The following LIPC variants were observed in gnomAD, a reference collection of about 807,000 sequenced individuals.
LIPC encodes lipase C, hepatic type.
LIPC carries 44 observed loss-of-function variants against 50.7 expected under a neutral mutation model. The ratio of observed to expected loss-of-function variants is 0.87; its 90% CI spans 0.68 to 1.11. The LOEUF is 1.11. Among genes scored for constraint, LIPC ranks in the 50% most tolerant of loss-of-function variants. The pLI, the probability that LIPC is intolerant of heterozygous loss-of-function variation, is 0.00. For synonymous variants in LIPC, 271 were observed against 256.4 expected (o/e 1.06, Z -0.54); for missense variants, 697 against 648.2 (o/e 1.08, Z -0.82).
intron 1 of LIPC, among the ~76,000 whole-genome samples, chr15:58,506,744 C>A (rs1168784462): frequency 1.3e-5 from 2 of 152,160 alleles, no homozygotes; most frequent in African/African-American, 4.8e-5. Context: ...GCTCCCTCTG[C>A]CCCCCACCCT....
chr15:58,552,815 C>G (rs1183194021), intron 6 of LIPC, among the ~76,000 whole-genome samples: 1 of 152,200 alleles, frequency 6.6e-6, no homozygotes, highest in African/African-American at 2.4e-5. Context: ...AGAATCTTGG[C>G]CTTGCTGCCA....
At chr15:58,500,928 C>T (rs1891964184) in intron 1 of LIPC, among the ~76,000 whole-genome samples, 1 of 152,102 alleles carries the variant, frequency 6.6e-6, no homozygotes, top group African/African-American at 2.4e-5. Context: ...TTGGAAGACA[C>T]ACCAGGCCAT....
intron 1 of LIPC, among the ~76,000 whole-genome samples, chr15:58,515,137 G>A (rs1226602844): frequency 6.6e-5 from 10 of 152,044 alleles, no homozygotes; most frequent in Non-Finnish European, 1.3e-4. Context: ...TTTCTTATAA[G>A]AACCCTTGTG....
intron 1 of LIPC, among the ~76,000 whole-genome samples, chr15:58,459,646 C>T (rs1894266234): frequency 6.6e-6 from 1 of 152,190 alleles, no homozygotes; most frequent in African/African-American, 2.4e-5. Context: ...AGCAAACACT[C>T]CCCCCACATA....
At chr15:58,494,569 T>C (rs1891702193) in intron 1 of LIPC, among the ~76,000 whole-genome samples, 1 of 152,218 alleles carries the variant, frequency 6.6e-6, no homozygotes, top group Non-Finnish European at 1.5e-5. Flanking sequence ...ATGGTTTTGA[T>C]TGTAATTACT....
Position 58,565,369 on chromosome 15 carries a change from A to G in LIPC, c.1388+1646A>G, listed in dbSNP as rs139758754. The G allele has an allele frequency of 9.2e-4, 1,387 of 1,514,758 alleles. 3 individuals carry two copies. The highest frequency in any genetic ancestry group is 1.9e-3 in the Admixed American group (96 of 49,428). 93.8% of individuals were successfully genotyped at this position (1,514,758 alleles called of 1,614,324 possible). A position where few individuals can be genotyped will look rare whatever the true frequency, so the allele number is the denominator to read the frequency against. On this transcript the variant is annotated intron_variant, in intron 8 of 8. Transcript: ENST00000299022. ...CACCCTGACAATCCCATGTGGCTTG[A>G]CCTGAAAGGGTGGCTAAAGCACAAC...
chr15:58,488,342 G>A (rs944950092), intron 1 of LIPC, among the ~76,000 whole-genome samples: 16 of 152,264 alleles, frequency 1.1e-4, no homozygotes, highest in African/African-American at 2.9e-4. Context: ...TCCACACTGG[G>A]GCTGACCACT....
intron 1 of LIPC, among the ~76,000 whole-genome samples, chr15:58,505,267 A>G (rs545749368): frequency 6.6e-6 from 1 of 152,364 alleles, no homozygotes; most frequent in East Asian, 1.9e-4. Context: ...CCTCTGCTAC[A>G]TATGGTCCCA....
chr15:58,438,748 C>T (rs1893401358), intron 1 of LIPC, among the ~76,000 whole-genome samples: 2 of 152,362 alleles, frequency 1.3e-5, no homozygotes, highest in South Asian at 2.1e-4. Context: ...AGCGCAGTGA[C>T]ATCTCAGCTG....
At chr15:58,538,221 A>G in intron 1 of LIPC, 112 bp from the exon 2 acceptor site, 4 of 1,023,622 alleles carry the variant, frequency 3.9e-6, no homozygotes, top group Non-Finnish European at 6.2e-6. Context: ...GATCTCCAGC[A>G]TCTCCCAGTA....
intron 1 of LIPC, among the ~76,000 whole-genome samples, chr15:58,500,790 AGATTT>A (rs1188252832): frequency 1.6e-5 from 2 of 123,690 alleles, no homozygotes; most frequent in African/African-American, 6.4e-5. Context: ...TGACACTTTT[AGATTT>A]GATATCTCTT....
At chr15:58,529,641 G>A (rs1052653098) in intron 1 of LIPC, among the ~76,000 whole-genome samples, 7 of 152,252 alleles carry the variant, frequency 4.6e-5, no homozygotes, top group African/African-American at 1.4e-4. Flanking sequence ...GGCATGGAAT[G>A]TAAGCCCTCT....
intron 1 of LIPC, among the ~76,000 whole-genome samples, chr15:58,502,235 C>T (rs1892007400): frequency 6.6e-6 from 1 of 152,082 alleles, no homozygotes; most frequent in Non-Finnish European, 1.5e-5. Context: ...AATTCATCAG[C>T]CCTTTCTTTC....
At chr15:58,546,179 A>G (rs1334414444) in intron 5 of LIPC, among the ~76,000 whole-genome samples, 1 of 152,234 alleles carries the variant, frequency 6.6e-6, no homozygotes, top group East Asian at 1.9e-4. Flanking sequence ...ACTCCTGGCA[A>G]CAGGCCAACG....
At chr15:58,567,757 T>C (rs562962603) in intron 8 of LIPC, among the ~76,000 whole-genome samples, 6 of 151,758 alleles carry the variant, frequency 4.0e-5, no homozygotes, top group East Asian at 1.9e-4. Flanking sequence ...ACAGGAAAAA[T>C]TGCAGGAAAA....
intron 1 of LIPC, among the ~76,000 whole-genome samples, chr15:58,440,725 G>A (rs190213311): frequency 2.6e-5 from 4 of 152,326 alleles, no homozygotes; most frequent in Non-Finnish European, 4.4e-5. Context: ...CTGAGGCAGC[G>A]CAGGTTAGCT....
At chr15:58,436,826 T>C (rs1449623581) in intron 1 of LIPC, 15 of 456,138 alleles carry the variant, frequency 3.3e-5, no homozygotes, top group Non-Finnish European at 6.2e-5. Flanking sequence ...CAGAAGAGAA[T>C]GAGGCTTTCC....
intron 1 of LIPC, among the ~76,000 whole-genome samples, chr15:58,519,015 C>T (rs4775069): frequency 1.3e-5 from 2 of 152,222 alleles, no homozygotes; most frequent in Middle Eastern, 6.8e-3. Flanking sequence ...TCATCCCTGA[C>T]GATGACTCTG....
intron 6 of LIPC, among the ~76,000 whole-genome samples, chr15:58,555,822 G>A (rs1369106633): frequency 1.4e-4 from 21 of 152,200 alleles, no homozygotes; most frequent in Admixed American, 1.2e-3. Context: ...TGATAATCGT[G>A]GGAGGGCAGT....
Sources: gnomAD v4.1 joint callset for allele counts (sites outside exome capture counted in the v4.1 genomes callset) on GRCh38, gnomAD v4.1.1 for gene constraint, MANE v1.5 for transcripts, NCBI Gene and HGNC (gene_info 2026-07-23, HGNC 2026-07-21) for gene names.